Variants in NTRK2 observed in about 807,000 individuals in gnomAD.
NTRK2 encodes the protein neurotrophic receptor tyrosine kinase 2, also known as BDNF/NT-3 growth factors receptor.
A neutral mutation model predicts 94.5 loss-of-function variants in NTRK2; 13 were observed. That is an observed-to-expected ratio of 0.14 (90% CI 0.09 to 0.22). The LOEUF (loss-of-function observed/expected upper bound fraction) is 0.22, where lower values mean the gene tolerates loss of function less well. Ranked by LOEUF, NTRK2 falls within the 10% of genes least tolerant of loss-of-function variation. NTRK2 has a pLI of 1.00. For synonymous variants in NTRK2, 372 were observed against 407.4 expected (o/e 0.91, Z 1.05); for missense variants, 639 against 1,071.2 (o/e 0.60, Z 5.63).
chr9:84,983,028 T>A (rs899605534), intron 17 of NTRK2, among the ~76,000 whole-genome samples: 3 of 152,134 alleles, frequency 2.0e-5, no homozygotes, highest in Admixed American at 2.0e-4. Flanking sequence ...TGGGAAAGGA[T>A]ACTTAATATT....
chr9:84,924,662 G>A (rs2077696001), intron 14 of NTRK2, among the ~76,000 whole-genome samples: 1 of 152,226 alleles, frequency 6.6e-6, no homozygotes, highest in African/African-American at 2.4e-5. Flanking sequence ...CTAACAGCTT[G>A]AAAGATTTCT....
intron 2 of NTRK2, among the ~76,000 whole-genome samples, chr9:84,697,827 G>C (rs1272117757): frequency 1.3e-5 from 2 of 152,106 alleles, no homozygotes; most frequent in Non-Finnish European, 2.9e-5. Flanking sequence ...CTTGAGCTCG[G>C]GTGTGTTTGT....
At chr9:84,790,342 C>T (rs185689299) in intron 12 of NTRK2, among the ~76,000 whole-genome samples, 1 of 152,270 alleles carries the variant, frequency 6.6e-6, no homozygotes, top group Admixed American at 6.5e-5. Flanking sequence ...GAATTTTTGT[C>T]TGGCTGTTCT....
chr9:84,867,861 T>G (rs2132067766), intron 14 of NTRK2, among the ~76,000 whole-genome samples: 1 of 152,358 alleles, frequency 6.6e-6, no homozygotes, highest in African/African-American at 2.4e-5. Flanking sequence ...AGGCACTGTG[T>G]TGCCCACAGG....
At chr9:84,966,715 G>T (rs911599384) in intron 17 of NTRK2, among the ~76,000 whole-genome samples, 3 of 152,186 alleles carry the variant, frequency 2.0e-5, no homozygotes. Context: ...ACAGGTGTAA[G>T]CCACTGCGCC....
At chr9:84,670,268 CTCCGGGCT>C (rs1348755658) in intron 1 of NTRK2, 101 bp from the exon 2 acceptor site, 1 of 257,696 alleles carries the variant, frequency 3.9e-6, no homozygotes, top group Non-Finnish European at 7.4e-6. Context: ...CATCCACAGT[CTCCGGGCT>C]GGGGTCGGGG....
At chr9:84,966,285 T>A (rs1825549424) in intron 17 of NTRK2, among the ~76,000 whole-genome samples, 2 of 152,040 alleles carry the variant, frequency 1.3e-5, no homozygotes, top group Admixed American at 1.3e-4. Context: ...TACCCCAGAG[T>A]GTCTTTTGCG....
chr9:84,809,831 G>A (rs1294255005), intron 12 of NTRK2, among the ~76,000 whole-genome samples: 6 of 140,446 alleles, frequency 4.3e-5, no homozygotes, highest in Non-Finnish European at 3.0e-5. Flanking sequence ...GCAGTGAGCC[G>A]AGATCTCACC....
chr9:84,917,387 G>A (rs1183680012), intron 14 of NTRK2, among the ~76,000 whole-genome samples: 3 of 152,184 alleles, frequency 2.0e-5, no homozygotes, highest in Non-Finnish European at 4.4e-5. Flanking sequence ...CAGCCCATAA[G>A]CACGTGTGCA....
intron 12 of NTRK2, among the ~76,000 whole-genome samples, chr9:84,857,286 C>G (rs1426650051): frequency 6.6e-6 from 1 of 151,958 alleles, no homozygotes; most frequent in East Asian, 1.9e-4. Flanking sequence ...GTCTACATTC[C>G]AAAAGGAGGG....
Position 85,025,529 on chromosome 9 carries a change from C to T in NTRK2, c.*4092C>T, listed in dbSNP as rs1190493571. On this transcript the variant is annotated 3_prime_UTR_variant, in exon 19 of 19. Coordinates refer to ENST00000277120, the MANE Select transcript of NTRK2 (RefSeq NM_006180.6). ...GTATAGAATGCTGTCCTTTTCAAAG[C>T]GTCCTAACAGCAGGATTACCTGGTC... 4 of 233,114 alleles carry T rather than the reference C, an allele frequency of 1.7e-5. No homozygotes were observed. The highest frequency in any genetic ancestry group is 8.8e-5 in the African/African-American group (4 of 45,346). The allele number at this position is 233,114 out of a possible 1,614,324, so 14.4% of individuals were successfully genotyped here. A position where few individuals can be genotyped will look rare whatever the true frequency, so the allele number is the denominator to read the frequency against.
chr9:84,770,577 T>C (rs888309652), intron 12 of NTRK2, among the ~76,000 whole-genome samples: 1 of 152,244 alleles, frequency 6.6e-6, no homozygotes, highest in African/African-American at 2.4e-5. Flanking sequence ...AATATGTTAT[T>C]TGATGCCTTT....
intron 12 of NTRK2, chr9:84,812,269 CT>C: frequency 9.5e-7 from 1 of 1,056,690 alleles, no homozygotes; most frequent in Non-Finnish European, 1.1e-6. Flanking sequence ...ACATTAGCCA[CT>C]AAATACGTTA....
At chr9:84,920,609 G>A (rs1274881276) in intron 14 of NTRK2, among the ~76,000 whole-genome samples, 1 of 152,116 alleles carries the variant, frequency 6.6e-6, no homozygotes, top group Admixed American at 6.5e-5. Context: ...CATGTTCTGA[G>A]GTGAGAATTC....
intron 4 of NTRK2, among the ~76,000 whole-genome samples, chr9:84,706,685 G>C (rs947103194): frequency 1.3e-5 from 2 of 151,692 alleles, no homozygotes; most frequent in Middle Eastern, 3.4e-3. Context: ...GCCCGCCACC[G>C]CCTGGCTAAT....
intron 12 of NTRK2, among the ~76,000 whole-genome samples, chr9:84,791,954 G>C (rs191833458): frequency 2.0e-4 from 31 of 152,314 alleles, no homozygotes; most frequent in Admixed American, 1.2e-3. Flanking sequence ...GAGCAGACAG[G>C]CATTTGAGGG....
intron 12 of NTRK2, among the ~76,000 whole-genome samples, chr9:84,780,528 C>T (rs1398227618): frequency 6.6e-6 from 1 of 152,126 alleles, no homozygotes; most frequent in Non-Finnish European, 1.5e-5. Context: ...CAGGCCAGTC[C>T]CTAAATCAAC....
At chr9:84,843,142 G>A (rs1377705101) in intron 12 of NTRK2, among the ~76,000 whole-genome samples, 1 of 152,152 alleles carries the variant, frequency 6.6e-6, no homozygotes, top group Non-Finnish European at 1.5e-5. Flanking sequence ...TGCGTATAAA[G>A]AACTCAGTAG....
rs117258771 is a variant in NTRK2 at position 84,705,360 on chromosome 9, G to A, written c.360-2484G>A. Among the ~76,000 whole-genome samples the A allele has an allele frequency of 3.6e-3, 547 of 152,278 alleles. 5 individuals are homozygous for A. The highest frequency in any genetic ancestry group is 4.7e-3 in the Non-Finnish European group (323 of 68,016). On this transcript the variant is annotated intron_variant, in intron 4 of 18. Transcript: ENST00000277120. The stretch of plus-strand genomic sequence containing the variant: ...TGTGTTTTCCAGGGACTTTGCAGAG[G>A]TGCTAATTAGCTCCCTTGCAAAGCT...
Sources: allele counts gnomAD v4.1 joint callset (sites outside exome capture counted in the v4.1 genomes callset), GRCh38; gene constraint gnomAD v4.1.1; transcripts MANE v1.5; gene names NCBI Gene and HGNC (gene_info 2026-07-23, HGNC 2026-07-21).